The following KCNIP1 variants were observed in gnomAD, a reference collection of about 807,000 sequenced individuals.
The protein encoded by KCNIP1 is A-type potassium channel modulatory protein KCNIP1.
A neutral mutation model predicts 33.0 loss-of-function variants in KCNIP1; 18 were observed. The observed-to-expected ratio is 0.55, with a 90% confidence interval of 0.38 to 0.81. The LOEUF is 0.81. Ranked by LOEUF, KCNIP1 falls within the 30% of genes least tolerant of loss-of-function variation. KCNIP1 has a pLI of 0.00. For synonymous variants in KCNIP1, 93 were observed against 98.3 expected (o/e 0.95, Z 0.32); for missense variants, 238 against 271.6 (o/e 0.88, Z 0.87).
intron 1 of KCNIP1, among the ~76,000 whole-genome samples, chr5:170,612,142 G>A (rs1001834314): frequency 1.3e-5 from 2 of 152,160 alleles, no homozygotes; most frequent in Non-Finnish European, 2.9e-5. Flanking sequence ...CATGGCCCAC[G>A]GGGAAACCAG....
chr5:170,371,923 C>T (rs1003389955), intron 1 of KCNIP1, among the ~76,000 whole-genome samples: 10 of 152,170 alleles, frequency 6.6e-5, no homozygotes, highest in African/African-American at 1.7e-4. Flanking sequence ...TTTCTTCCCC[C>T]CTACTGATAC....
chr5:170,681,943 G>A (rs751133969), intron 1 of KCNIP1, among the ~76,000 whole-genome samples: 2 of 152,268 alleles, frequency 1.3e-5, no homozygotes, highest in Admixed American at 1.3e-4. Flanking sequence ...AATTTCATGA[G>A]CAATTGGGCT....
intron 1 of KCNIP1, among the ~76,000 whole-genome samples, chr5:170,455,606 A>G (rs930625042): frequency 6.6e-6 from 1 of 152,244 alleles, no homozygotes; most frequent in Non-Finnish European, 1.5e-5. Context: ...ATTATACACA[A>G]TCTGTTCCTT....
chr5:170,406,025 C>G (rs1170239115), intron 1 of KCNIP1, among the ~76,000 whole-genome samples: 1 of 152,262 alleles, frequency 6.6e-6, no homozygotes, highest in African/African-American at 2.4e-5. Flanking sequence ...ACCTCTTCCA[C>G]TTCCTCAAAA....
intron 1 of KCNIP1, among the ~76,000 whole-genome samples, chr5:170,495,541 C>T (rs750331537): frequency 6.6e-6 from 1 of 152,228 alleles, no homozygotes; most frequent in Admixed American, 6.5e-5. Flanking sequence ...GCTCTCAGCT[C>T]CCACATTCCG....
At chr5:170,497,010 T>C (rs938706936) in intron 1 of KCNIP1, among the ~76,000 whole-genome samples, 2 of 152,090 alleles carry the variant, frequency 1.3e-5, no homozygotes, top group Non-Finnish European at 2.9e-5. Flanking sequence ...TAGAGAGGGA[T>C]CTCGGTGAAG....
intron 6 of KCNIP1, 85 bp downstream of exon 6, chr5:170,732,989 C>T: frequency 5.2e-6 from 4 of 776,644 alleles, no homozygotes; most frequent in Non-Finnish European, 9.1e-6. Flanking sequence ...GATTTGTGTC[C>T]AACCCTGTAC....
At chr5:170,370,023 T>C (rs370642064) in intron 1 of KCNIP1, among the ~76,000 whole-genome samples, 3 of 152,110 alleles carry the variant, frequency 2.0e-5, no homozygotes, top group African/African-American at 2.4e-5. Flanking sequence ...GTCAGGGAAG[T>C]TCAAAGCAAA....
chr5:170,667,010 AT>A (rs1212417745), intron 1 of KCNIP1, among the ~76,000 whole-genome samples: 3 of 152,258 alleles, frequency 2.0e-5, no homozygotes, highest in African/African-American at 7.2e-5. Flanking sequence ...AGAAACAGGT[AT>A]TTTAAAAAGT....
chr5:170,365,100 G>T (rs1386787001), intron 1 of KCNIP1, among the ~76,000 whole-genome samples: 3 of 152,108 alleles, frequency 2.0e-5, no homozygotes, highest in Non-Finnish European at 1.5e-5. Context: ...AGGGAATTTT[G>T]CCTGGCCTTG....
chr5:170,581,061 G>A (rs1224579472), intron 1 of KCNIP1, among the ~76,000 whole-genome samples: 2 of 152,150 alleles, frequency 1.3e-5, no homozygotes, highest in African/African-American at 2.4e-5. Flanking sequence ...GCAGCACACT[G>A]AGCCATCTCC....
chr5:170,389,619 T>G (rs1764631830), intron 1 of KCNIP1: 1 of 152,170 alleles, frequency 6.6e-6, no homozygotes, highest in African/African-American at 2.4e-5. Context: ...TTTGGAAATA[T>G]TTCTTCTTCT....
At chr5:170,412,996 C>G (rs952780160) in intron 1 of KCNIP1, among the ~76,000 whole-genome samples, 15 of 152,120 alleles carry the variant, frequency 9.9e-5, no homozygotes, top group Admixed American at 9.8e-4. Flanking sequence ...ACTGCAGTGG[C>G]GATTGTTGTC....
chr5:170,367,416 A>AGGAAG lies in KCNIP1; in HGVS notation c.88+13453_88+13454insGAAGG, dbSNP rs202229545. On this transcript the variant is annotated intron_variant, in intron 1 of 7. Coordinates refer to the KCNIP1 transcript ENST00000377360. The stretch of plus-strand genomic sequence containing the variant: ...AAGAAAGAAAGAAAGAAAGAAAGAA[A>AGGAAG]GAAAGGAAAGAAAGAAAGAAAGGAA... Among the ~76,000 whole-genome samples the AGGAAG allele has an allele frequency of 9.2e-5, 11 of 119,984 alleles. No homozygotes were observed. In the East Asian group the frequency reaches 1.4e-3, roughly 15 times the overall value. 78.7% of individuals were successfully genotyped at this position (119,984 alleles called of 152,430 possible).
intron 1 of KCNIP1, among the ~76,000 whole-genome samples, chr5:170,371,242 C>T (rs1763834690): frequency 6.6e-6 from 1 of 152,130 alleles, no homozygotes; most frequent in African/African-American, 2.4e-5. Flanking sequence ...CAGCTGGCCT[C>T]GTGGTCCTGT....
At chr5:170,539,905 C>A (rs917340774) in intron 1 of KCNIP1, among the ~76,000 whole-genome samples, 1 of 152,134 alleles carries the variant, frequency 6.6e-6, no homozygotes, top group African/African-American at 2.4e-5. Flanking sequence ...TTCTCAAGGT[C>A]GCAAATATTA....
At chr5:170,539,881 C>G (rs762657730) in intron 1 of KCNIP1, among the ~76,000 whole-genome samples, 6 of 152,122 alleles carry the variant, frequency 3.9e-5, no homozygotes, top group Non-Finnish European at 7.4e-5. Context: ...GTCTTCTAAG[C>G]CCAGCTCTCT....
At chr5:170,543,936 A>G (rs914341335) in intron 1 of KCNIP1, among the ~76,000 whole-genome samples, 1 of 152,220 alleles carries the variant, frequency 6.6e-6, no homozygotes, top group Admixed American at 6.5e-5. Flanking sequence ...AAACCAATAG[A>G]TCTAGGTTAA....
chr5:170,605,637 G>A (rs1758878556), intron 1 of KCNIP1, among the ~76,000 whole-genome samples: 1 of 152,130 alleles, frequency 6.6e-6, no homozygotes, highest in Non-Finnish European at 1.5e-5. Context: ...TGTTTCTGTG[G>A]ATTTGCCTAT....
Sources: allele counts gnomAD v4.1 joint callset (sites outside exome capture counted in the v4.1 genomes callset), GRCh38; gene constraint gnomAD v4.1.1; transcripts MANE v1.5; gene names NCBI Gene and HGNC (gene_info 2026-07-23, HGNC 2026-07-21).